The following DYNC2I1 variants were observed in gnomAD, a reference collection of about 807,000 sequenced individuals.
DYNC2I1 encodes the protein dynein 2 intermediate chain 1, also known as cytoplasmic dynein 2 intermediate chain 1.
A neutral mutation model predicts 133.4 loss-of-function variants in DYNC2I1; 89 were observed. The observed-to-expected ratio is 0.67, with a 90% CI of 0.56 to 0.80. The LOEUF is 0.80. DYNC2I1 is among the 30% of genes least tolerant of loss of function. The pLI is 0.00. For synonymous variants in DYNC2I1, 504 were observed against 484.3 expected, an observed-to-expected ratio of 1.04 and a Z score of -0.54; for missense variants, 1,291 against 1,314.5, an observed-to-expected ratio of 0.98 and a Z score of 0.28.
At chr7:158,918,381 A>AC (rs1848689747) in intron 14 of DYNC2I1, among the ~76,000 whole-genome samples, 1 of 152,096 alleles carries the variant, frequency 6.6e-6, no homozygotes, top group African/African-American at 2.4e-5. Flanking sequence ...CTGGCTTTTT[A>AC]CCAAAACCCA....
At chr7:158,855,756 A>G (rs1355588092), upstream of DYNC2I1, among the ~76,000 whole-genome samples, 1 of 152,102 alleles carries the variant, frequency 6.6e-6, no homozygotes, top group Non-Finnish European at 1.5e-5. Context: ...TTCAGCCCTA[A>G]CTTTCCCTTT....
chr7:158,871,195 G>A lies in DYNC2I1; in HGVS notation c.123G>A (p.Leu41=). The change falls in exon 3 of 25, where the codon CTG becomes CTA. Residue 41 remains leucine, a synonymous_variant. Coordinates refer to ENST00000407559, the MANE Select transcript of DYNC2I1 (RefSeq NM_018051.5). ...KEERKHREKK[L]RKESEMDLPE... ...AAAGAAAGCACAGAGAGAAGAAGCT[G>A]CGTAAGGAGTCTGAGATGGACCTTC... The A allele has an allele frequency of 6.2e-7, 1 of 1,613,786 alleles. No individual in the cohort carries two copies. The highest frequency in any genetic ancestry group is 8.5e-7 in the Non-Finnish European group (1 of 1,179,768).
rs71189438 is a variant in DYNC2I1 at position 158,937,622 on chromosome 7, GA to G, written c.2778+3086del. Among the ~76,000 whole-genome samples the G allele has an allele frequency of 3.7e-3, 400 of 109,414 alleles. 19 individuals carry two copies. The highest frequency in any genetic ancestry group is 0.022 in the East Asian group (90 of 4,140). 71.8% of individuals were successfully genotyped at this position (109,414 alleles called of 152,430 possible). ...GGGTGACAGGGTGAGACTGTCTCAA[GA>G]AAAAAAAAAAAAGACACAAGGCTGG... On this transcript the variant is annotated intron_variant, in intron 23 of 24. Coordinates refer to ENST00000407559, the MANE Select transcript of DYNC2I1 (RefSeq NM_018051.5).
intron 1 of DYNC2I1, among the ~76,000 whole-genome samples, chr7:158,862,896 C>T (rs1258785208): frequency 6.6e-6 from 1 of 151,812 alleles, no homozygotes; most frequent in African/African-American, 2.4e-5. Context: ...GTGAGCGTTA[C>T]AGCTCTTAAA....
In DYNC2I1 at chr7:158,923,751, G is replaced by A; in HGVS notation, c.2257+18G>A. The stretch of plus-strand genomic sequence containing the variant: ...TTCCACCGGTCAGTGTCATCTGCCT[G>A]CCAATTGTGTGTCTGCTAGAAAAGC... On this transcript the variant is annotated intron_variant, in intron 17 of 24. Coordinates refer to ENST00000407559, the MANE Select transcript of DYNC2I1 (RefSeq NM_018051.5). 3 of 1,589,662 alleles carry A rather than the reference G, an allele frequency of 1.9e-6. No homozygotes were observed. The African/African-American group carries it at 4.1e-5, about 21-fold the overall frequency.
chr7:158,863,385 A>G (rs571762781), intron 1 of DYNC2I1, among the ~76,000 whole-genome samples: 55 of 152,122 alleles, frequency 3.6e-4, no homozygotes, highest in Non-Finnish European at 6.9e-4. Context: ...AAAGTTCTCC[A>G]AGTCCCCACC....
chr7:158,911,775 C>G, intron 12 of DYNC2I1, 96 bp downstream of exon 12: 1 of 1,408,968 alleles, frequency 7.1e-7, no homozygotes, highest in Non-Finnish European at 9.5e-7. Flanking sequence ...AATATTAGAA[C>G]TTGGGGATGG....
intron 17 of DYNC2I1, 70 bp from the exon 18 acceptor site, chr7:158,926,111 TTGTCCC>T: frequency 8.6e-7 from 1 of 1,164,740 alleles, no homozygotes; most frequent in Admixed American, 2.0e-5. Context: ...CACCTCGTGT[TTGTCCC>T]TGTGTGATGC....
At chr7:158,958,322 C>T (rs1043144168), downstream of DYNC2I1, among the ~76,000 whole-genome samples, 2 of 152,268 alleles carry the variant, frequency 1.3e-5, no homozygotes, top group South Asian at 4.1e-4. Context: ...GCGCCCGCCC[C>T]ACACCTGGCG....
At chr7:158,885,687 C>G (rs1033794710) in intron 6 of DYNC2I1, among the ~76,000 whole-genome samples, 3 of 152,134 alleles carry the variant, frequency 2.0e-5, no homozygotes, top group African/African-American at 7.2e-5. Context: ...TTCTTTCTGA[C>G]AATCATATTT....
At chr7:158,881,766 C>G (rs754909910) in intron 5 of DYNC2I1, among the ~76,000 whole-genome samples, 2 of 152,032 alleles carry the variant, frequency 1.3e-5, no homozygotes, top group Non-Finnish European at 2.9e-5. Context: ...TTTTTTGTTT[C>G]TAAATCTCTT....
chr7:158,856,220 A>C (rs1214727051), upstream of DYNC2I1, among the ~76,000 whole-genome samples: 1 of 151,994 alleles, frequency 6.6e-6, no homozygotes, highest in Non-Finnish European at 1.5e-5. Flanking sequence ...TGCTGGGATT[A>C]CAGGGGTGAG....
Position 158,912,831 on chromosome 7 carries a change from A to G in DYNC2I1, c.1591-154A>G, listed in dbSNP as rs1847621555. On this transcript the variant is annotated intron_variant, in intron 12 of 24. Coordinates refer to ENST00000407559, the MANE Select transcript of DYNC2I1 (RefSeq NM_018051.5). Reference sequence around the variant, plus strand: ...TTGAAAATTAGACCTGTATATATCTATATCGAACGTTTAAGCACAGGTTGT... The same window carrying G: ...TTGAAAATTAGACCTGTATATATCTGTATCGAACGTTTAAGCACAGGTTGT... Among the ~76,000 whole-genome samples the G allele has an allele frequency of 3.3e-5, 5 of 152,208 alleles. No individual in the cohort carries two copies. In the South Asian group the frequency reaches 1.0e-3, roughly 31 times the overall value.
At chr7:158,930,265 A>G (rs1010703854) in intron 20 of DYNC2I1, among the ~76,000 whole-genome samples, 190 bp from the exon 21 acceptor site, 3 of 152,162 alleles carry the variant, frequency 2.0e-5, no homozygotes, top group African/African-American at 7.2e-5. Context: ...TGAATTCTCG[A>G]TTCTTCTCCT....
chr7:158,905,946 A>G (rs916688138), intron 10 of DYNC2I1, 43 bp from the exon 11 acceptor site: 5 of 1,518,864 alleles, frequency 3.3e-6, no homozygotes, highest in African/African-American at 1.4e-5. Context: ...CTTGGAAGAC[A>G]TATTTCCGTG....
chr7:158,855,418 G>A (rs551341112), upstream of DYNC2I1, among the ~76,000 whole-genome samples: 10 of 152,292 alleles, frequency 6.6e-5, no homozygotes, highest in African/African-American at 2.4e-4. Context: ...CTCAAGCACT[G>A]ATCTTAGGAG....
chr7:158,920,229 C>T (rs374065150), intron 15 of DYNC2I1, among the ~76,000 whole-genome samples: 17 of 132,356 alleles, frequency 1.3e-4, no homozygotes, highest in African/African-American at 3.5e-4. Context: ...ACTGCAGCGC[C>T]GGGCCTCCAT....
At chr7:158,886,884 A>G in intron 6 of DYNC2I1, 137 bp from the exon 7 acceptor site, 9 of 795,484 alleles carry the variant, frequency 1.1e-5, no homozygotes, top group Non-Finnish European at 1.8e-5. Context: ...TACAGGTGCA[A>G]GTCATCGCTC....
intron 12 of DYNC2I1, 113 bp from the exon 13 acceptor site, chr7:158,912,872 C>T: frequency 1.4e-6 from 1 of 735,060 alleles, no homozygotes; most frequent in South Asian, 1.9e-5. Context: ...CATGATTGTT[C>T]TTTATGCTTT....
Sources: allele counts gnomAD v4.1 joint callset (sites outside exome capture counted in the v4.1 genomes callset), GRCh38; gene constraint gnomAD v4.1.1; transcripts MANE v1.5; gene names NCBI Gene and HGNC (gene_info 2026-07-23, HGNC 2026-07-21).